The following PRKCB variants were observed in gnomAD, a reference collection of about 807,000 sequenced individuals.
PRKCB encodes protein kinase C beta.
PRKCB carries 13 observed loss-of-function variants against 81.5 expected under a neutral mutation model. That is an observed-to-expected ratio of 0.16 (90% confidence interval 0.10 to 0.25). The LOEUF (loss-of-function observed/expected upper bound fraction) is 0.25. PRKCB is among the 10% of genes least tolerant of loss of function. PRKCB has a pLI of 1.00. For synonymous variants in PRKCB, 335 were observed against 321.4 expected, an observed-to-expected ratio of 1.04 and a Z score of -0.45; for missense variants, 509 against 875.7, an observed-to-expected ratio of 0.58 and a Z score of 5.29.
At chr16:24,023,671 C>G (rs529255177) in intron 3 of PRKCB, among the ~76,000 whole-genome samples, 1 of 152,246 alleles carries the variant, frequency 6.6e-6, no homozygotes, top group Non-Finnish European at 1.5e-5. Context: ...CCCGGCCAGG[C>G]AGGACTGATA....
At position 24,185,535 on chromosome 16, in the gene PRKCB, A is replaced by G; in HGVS notation, c.1690A>G (p.Met564Val). 3 of 1,614,108 alleles carry G rather than the reference A, an allele frequency of 1.9e-6. No homozygotes were observed. The highest frequency in any genetic ancestry group is 2.2e-5 in the East Asian group (1 of 44,888). ...MEHNVAYPKS[M>V]SKEAVAICKG... Reference sequence around the variant, plus strand: ...ACACAACGTAGCCTATCCCAAGTCTATGTCCAAGGAAGCTGTGGCCATCTG... The same window carrying G: ...ACACAACGTAGCCTATCCCAAGTCTGTGTCCAAGGAAGCTGTGGCCATCTG... Residue 564 changes from methionine to valine, a missense_variant, in exon 15 of 17, where the codon ATG becomes GTG. Around this residue, in one of 6 missense-constraint regions of PRKCB, gnomAD observed 104 missense variants for 160.5 expected, o/e 0.65. Transcript: ENST00000643927.
At chr16:23,988,702 A>G (rs1964833758) in intron 3 of PRKCB, 112 bp downstream of exon 3, 1 of 1,009,750 alleles carries the variant, frequency 9.9e-7, no homozygotes, top group African/African-American at 1.6e-5. Context: ...ACTCTAAGGC[A>G]TGTGGTGGTC....
At chr16:23,919,851 G>C (rs909179599) in intron 2 of PRKCB, among the ~76,000 whole-genome samples, 2 of 152,132 alleles carry the variant, frequency 1.3e-5, no homozygotes, top group Admixed American at 6.5e-5. Context: ...TCTTTTAAAG[G>C]CTGAATATTT....
chr16:24,168,541 CTTTT>C (rs56671761), intron 10 of PRKCB, among the ~76,000 whole-genome samples: 4 of 76,390 alleles, frequency 5.2e-5, no homozygotes, highest in Admixed American at 1.7e-4. Flanking sequence ...TCTTCTTCTA[CTTTT>C]TTTTTTTTTT....
At position 23,897,221 on chromosome 16, in the gene PRKCB, G is replaced by A. The variant is rs374905341; in HGVS notation, c.205+59815G>A. ...GGGGAAGGCACACGTGCTGTGCTCT[G>A]TAGAGCTCTGAGCAGGGAGGGACGC... On this transcript the variant is annotated intron_variant, in intron 2 of 16. Transcript: ENST00000643927. 1.3e-3 allele frequency among the ~76,000 whole-genome samples: 192 copies of A among 152,314 alleles called. 1 individual carries two copies. The highest frequency in any genetic ancestry group is 4.4e-3 in the African/African-American group (185 of 41,582).
rs1968261123 is a variant in PRKCB, at chr16:24,218,177, A to G, written c.*3361A>G. ...ATTGTTTCTTGGAGAGAAATAATAA[A>G]TAAACAAGACAATTTCTGAAAGCAA... is the stretch of plus-strand genomic sequence containing the variant. On this transcript the variant is annotated 3_prime_UTR_variant, in exon 17 of 17. Transcript: ENST00000643927. 3 of 985,432 alleles carry G rather than the reference A, an allele frequency of 3.0e-6. No individual in the cohort carries two copies. Among genetic ancestry groups the G allele is most frequent in the African/African-American group, 3.5e-5 (2 of 57,362 alleles). The allele number at this position is 985,432 out of a possible 1,614,324, so 61.0% of individuals were successfully genotyped here.
At chr16:23,919,752 C>T (rs2141743895) in intron 2 of PRKCB, among the ~76,000 whole-genome samples, 1 of 152,336 alleles carries the variant, frequency 6.6e-6, no homozygotes, top group Non-Finnish European at 1.5e-5. Flanking sequence ...TAAGTGGAAT[C>T]ATCCAGTATT....
chr16:24,173,889 A>G (rs1391360621), intron 11 of PRKCB, among the ~76,000 whole-genome samples: 1 of 152,236 alleles, frequency 6.6e-6, no homozygotes, highest in East Asian at 1.9e-4. Context: ...CAGGATTGTT[A>G]TTAGGATTAA....
chr16:23,949,765 G>A (rs1567323378), intron 2 of PRKCB, among the ~76,000 whole-genome samples: 2 of 152,178 alleles, frequency 1.3e-5, no homozygotes, highest in Admixed American at 6.5e-5. Flanking sequence ...TGAGGTGGTG[G>A]TAGTTCCACC....
intron 2 of PRKCB, among the ~76,000 whole-genome samples, chr16:23,955,818 G>T (rs545869022): frequency 3.9e-5 from 6 of 152,262 alleles, no homozygotes; most frequent in Non-Finnish European, 7.3e-5. Flanking sequence ...CAGCAGAAAG[G>T]CATTTTCCTT....
chr16:23,892,584 C>T (rs1440269909), intron 2 of PRKCB, among the ~76,000 whole-genome samples: 1 of 152,104 alleles, frequency 6.6e-6, no homozygotes, highest in Non-Finnish European at 1.5e-5. Flanking sequence ...ACTTGCATTC[C>T]CATTTATCTG....
chr16:23,911,026 T>C (rs1428552540), intron 2 of PRKCB, among the ~76,000 whole-genome samples: 1 of 151,858 alleles, frequency 6.6e-6, no homozygotes. Context: ...TCACTTTCCA[T>C]TGGGTGGATG....
At chr16:24,212,261 A>T (rs1485850912) in intron 16 of PRKCB, among the ~76,000 whole-genome samples, 1 of 152,098 alleles carries the variant, frequency 6.6e-6, no homozygotes, top group Non-Finnish European at 1.5e-5. Flanking sequence ...AATGGAAATA[A>T]AACACCTATT....
intron 2 of PRKCB, among the ~76,000 whole-genome samples, chr16:23,907,076 G>C (rs1009878429): frequency 1.3e-5 from 2 of 152,116 alleles, no homozygotes; most frequent in African/African-American, 4.8e-5. Context: ...ATTGACATTG[G>C]GGGGTGGAAT....
intron 5 of PRKCB, among the ~76,000 whole-genome samples, chr16:24,090,022 A>G (rs1966358965): frequency 6.6e-6 from 1 of 152,100 alleles, no homozygotes; most frequent in South Asian, 2.1e-4. Flanking sequence ...TAAGATGCGG[A>G]CCCTGGGATC....
chr16:24,181,386 C>G (rs1967619237), intron 13 of PRKCB, among the ~76,000 whole-genome samples: 1 of 152,024 alleles, frequency 6.6e-6, no homozygotes, highest in South Asian at 2.1e-4. Flanking sequence ...CTACCAGGCA[C>G]CAATTCAGAA....
intron 15 of PRKCB, among the ~76,000 whole-genome samples, chr16:24,188,546 A>T (rs1016401345): frequency 1.3e-5 from 2 of 152,154 alleles, no homozygotes; most frequent in Non-Finnish European, 2.9e-5. Context: ...TAATTGAAGC[A>T]GTGTCCTTTA....
intron 5 of PRKCB, among the ~76,000 whole-genome samples, chr16:24,069,325 T>G (rs1371048154): frequency 6.6e-6 from 1 of 152,234 alleles, no homozygotes; most frequent in African/African-American, 2.4e-5. Context: ...TGTTTTTAAA[T>G]CATGTAAGAC....
At chr16:24,121,422 A>G (rs1596557263) in intron 8 of PRKCB, among the ~76,000 whole-genome samples, 1 of 152,016 alleles carries the variant, frequency 6.6e-6, no homozygotes. Context: ...TGTTGCCCAG[A>G]CTGGAGTGCA....
Sources: gnomAD v4.1 joint callset for allele counts (sites outside exome capture counted in the v4.1 genomes callset) on GRCh38, gnomAD v4.1.1 for gene constraint, gnomAD v4.1.1 regional missense constraint, MANE v1.5 for transcripts, NCBI Gene and HGNC (gene_info 2026-07-23, HGNC 2026-07-21) for gene names.